PRDM11: variants seen among roughly 807,000 people sequenced by gnomAD.
PRDM11 encodes PR domain-containing protein 11.
Under a neutral mutation model 97.8 loss-of-function variants are expected in PRDM11, and 20 were observed. That is an observed-to-expected ratio of 0.20 (90% CI 0.14 to 0.30). The LOEUF is 0.30. Among genes scored for constraint, PRDM11 ranks in the 10% least tolerant of loss-of-function variants. The probability of loss-of-function intolerance (pLI) is 1.00; values close to 1 mark genes in which losing one functional copy is unlikely to be tolerated. For synonymous variants in PRDM11, 599 were observed against 637.7 expected (o/e 0.94, Z 0.91); for missense variants, 1,139 against 1,555.2 (o/e 0.73, Z 4.50).
chr11:45,222,905 T>C (rs114178388), intron 6 of PRDM11, among the ~76,000 whole-genome samples: 2,086 of 152,324 alleles, frequency 0.014, 37 homozygotes, highest in African/African-American at 0.048. Context: ...CTGAGTTCCA[T>C]AGGCTACTTT....
At chr11:45,108,681 G>T (rs538966493) in intron 1 of PRDM11, among the ~76,000 whole-genome samples, 1 of 152,284 alleles carries the variant, frequency 6.6e-6, no homozygotes, top group Admixed American at 6.5e-5. Flanking sequence ...GGCACCAGGG[G>T]CCTCTCAGTG....
rs560531213 is a variant in PRDM11 at position 45,158,270 on chromosome 11, C to T, written c.-7+11393C>T. Among the ~76,000 whole-genome samples the T allele has an allele frequency of 1.2e-4, 18 of 152,298 alleles. No homozygotes were observed. The South Asian group carries it at 2.3e-3, about 19-fold the overall frequency. The stretch of plus-strand genomic sequence containing the variant: ...GGGCCTGCATGTGGCCACAAGCCCA[C>T]GGAGGCCCTGCCTGGGAAGGAACTG... On this transcript the variant is annotated intron_variant, in intron 1 of 7. Transcript: ENST00000683152.
intron 1 of PRDM11, among the ~76,000 whole-genome samples, chr11:45,103,229 G>A (rs374954429): frequency 4.6e-5 from 7 of 152,148 alleles, no homozygotes; most frequent in East Asian, 1.9e-4. Context: ...CCACCCCGCC[G>A]GGCCTGCCTC....
chr11:45,189,144 G>T (rs561332780), intron 4 of PRDM11, among the ~76,000 whole-genome samples: 8 of 151,924 alleles, frequency 5.3e-5, no homozygotes, highest in Non-Finnish European at 1.2e-4. Flanking sequence ...CAAGTGATCC[G>T]CCCACCTCAG....
intron 1 of PRDM11, among the ~76,000 whole-genome samples, chr11:45,157,966 G>A (rs898601609): frequency 6.6e-6 from 1 of 152,202 alleles, no homozygotes; most frequent in Non-Finnish European, 1.5e-5. Flanking sequence ...GATGGCATGG[G>A]GTCTGTGCAG....
chr11:45,181,982 G>A (rs1481555252), intron 2 of PRDM11, 97 bp downstream of exon 2: 1 of 1,143,920 alleles, frequency 8.7e-7, no homozygotes, highest in East Asian at 2.5e-5. Flanking sequence ...CTCACTCCTT[G>A]CCCACCTTCC....
upstream of PRDM11, chr11:45,095,729 T>C (rs1269128683): frequency 5.8e-6 from 4 of 686,140 alleles, 1 homozygote; most frequent in Non-Finnish European, 1.1e-5. Context: ...CTTTCTGCTC[T>C]GGAATGCAGA....
chr11:45,225,679 C>T (rs1365750593), intron 7 of PRDM11, among the ~76,000 whole-genome samples: 2 of 152,174 alleles, frequency 1.3e-5, no homozygotes, highest in Non-Finnish European at 2.9e-5. Context: ...ATCTACTCTC[C>T]TAGCTTGAGC....
At chr11:45,135,554 A>T (rs937461880) in intron 1 of PRDM11, among the ~76,000 whole-genome samples, 1 of 152,224 alleles carries the variant, frequency 6.6e-6, no homozygotes, top group East Asian at 1.9e-4. Context: ...GTTGAAAAAG[A>T]TCTTACTCAC....
At chr11:45,196,272 T>G (rs1281901912) in intron 4 of PRDM11, among the ~76,000 whole-genome samples, 1 of 152,166 alleles carries the variant, frequency 6.6e-6, no homozygotes, top group Non-Finnish European at 1.5e-5. Context: ...TTTCTATCTC[T>G]TGTTCATTTC....
chr11:45,182,769 A>T, intron 3 of PRDM11, 92 bp from the exon 4 acceptor site: 4 of 1,411,906 alleles, frequency 2.8e-6, no homozygotes, highest in Non-Finnish European at 3.8e-6. Context: ...GCTGTCCATG[A>T]GTGGGCCTCC....
intron 1 of PRDM11, among the ~76,000 whole-genome samples, chr11:45,181,006 C>T (rs755989019): frequency 6.6e-6 from 1 of 152,180 alleles, no homozygotes; most frequent in Admixed American, 6.5e-5. Context: ...AGCGGGGCCC[C>T]GGGTAGTGAG....
chr11:45,182,808 G>A, intron 3 of PRDM11, 53 bp from the exon 4 acceptor site: 3 of 1,523,452 alleles, frequency 2.0e-6, no homozygotes, highest in African/African-American at 2.8e-5. Flanking sequence ...CCCCATGGGG[G>A]TCTTACCTCC....
In PRDM11 at chr11:45,226,012, T is replaced by C; in HGVS notation, c.1387T>C (p.Ser463Pro). The change falls in exon 8 of 8, where the codon TCC (serine) becomes CCC (proline). Residue 463 changes from serine (S) to proline (P), a missense_variant. Transcript: ENST00000683152. Reference protein sequence around the residue: ...SDPAASESMVSGPAIMEDDDQ... With the variant: ...SDPAASESMVPGPAIMEDDDQ... ...TTTTTCAGCCTCAGAAAGCATGGTC[T>C]CCGGCCCCGCCATCATGGAGGATGA... 1 of 1,505,460 alleles carries C rather than the reference T, an allele frequency of 6.6e-7. No homozygotes were observed. Among genetic ancestry groups the C allele is most frequent in the Non-Finnish European group, 8.9e-7 (1 of 1,125,510 alleles). The allele number at this position is 1,505,460 out of a possible 1,614,324, so 93.3% of individuals were successfully genotyped here. A position where few individuals can be genotyped will look rare whatever the true frequency, so the allele number is the denominator to read the frequency against.
intron 1 of PRDM11, among the ~76,000 whole-genome samples, chr11:45,127,802 G>A (rs994053765): frequency 3.9e-5 from 6 of 152,256 alleles, no homozygotes; most frequent in African/African-American, 1.4e-4. Context: ...CAGGGGTCAG[G>A]GACCCACTTG....
upstream of PRDM11, among the ~76,000 whole-genome samples, chr11:45,143,149 G>A (rs907193672): frequency 3.3e-5 from 5 of 152,150 alleles, no homozygotes; most frequent in Admixed American, 6.5e-5. Context: ...TTTTTTCCAG[G>A]TACTAAATCC....
At chr11:45,171,575 G>T (rs12363718) in intron 1 of PRDM11, among the ~76,000 whole-genome samples, 21,303 of 152,142 alleles carry the variant, frequency 0.14, 1,694 homozygotes, top group Middle Eastern at 0.22. Context: ...CACCCTGTTT[G>T]CCCCTTTGTA....
chr11:45,203,429 T>TA (rs972308956), intron 4 of PRDM11, among the ~76,000 whole-genome samples: 334 of 141,830 alleles, frequency 2.4e-3, no homozygotes, highest in African/African-American at 2.3e-3. Flanking sequence ...AGGTACTCAT[T>TA]AAAAAAAAAA....
chr11:45,204,806 G>C, intron 5 of PRDM11, 28 bp downstream of exon 5: 1 of 1,588,658 alleles, frequency 6.3e-7, no homozygotes, highest in Non-Finnish European at 8.6e-7. Context: ...GATGTCCCGG[G>C]GGTCTTGCCT....
Sources: gnomAD v4.1 joint callset for allele counts (sites outside exome capture counted in the v4.1 genomes callset) on GRCh38, gnomAD v4.1.1 for gene constraint, MANE v1.5 for transcripts, NCBI Gene and HGNC (gene_info 2026-07-23, HGNC 2026-07-21) for gene names.